Variants in CNTNAP4 observed in about 807,000 individuals in gnomAD.
CNTNAP4 encodes the protein contactin associated protein family member 4.
In CNTNAP4, 98 loss-of-function variants were observed where a neutral mutation model predicts 148.4. The ratio of observed to expected loss-of-function variants is 0.66; its 90% CI spans 0.56 to 0.78. The LOEUF (loss-of-function observed/expected upper bound fraction) is 0.78. Among genes scored for constraint, CNTNAP4 ranks in the 30% least tolerant of loss-of-function variants. CNTNAP4 has a pLI of 0.00. For synonymous variants in CNTNAP4, 730 were observed against 565.1 expected (o/e 1.29, Z -4.14); for missense variants, 1,935 against 1,565.6 (o/e 1.24, Z -3.98).
At chr16:76,471,254 C>T (rs2081363814) in intron 10 of CNTNAP4, among the ~76,000 whole-genome samples, 1 of 152,158 alleles carries the variant, frequency 6.6e-6, no homozygotes, top group Non-Finnish European at 1.5e-5. Flanking sequence ...TATCCAAGTC[C>T]TCACATCTGG....
chr16:76,339,681 G>T (rs1217401401), intron 2 of CNTNAP4, among the ~76,000 whole-genome samples: 3 of 152,154 alleles, frequency 2.0e-5, no homozygotes, highest in African/African-American at 7.2e-5. Context: ...ACCTTCTGAA[G>T]TTATCTCAGA....
At chr16:76,324,255 G>T (rs1235517009) in intron 2 of CNTNAP4, among the ~76,000 whole-genome samples, 2 of 152,130 alleles carry the variant, frequency 1.3e-5, no homozygotes, top group Non-Finnish European at 2.9e-5. Flanking sequence ...CTCAAATTTG[G>T]TCAATTAAAA....
Position 76,321,925 on chromosome 16 carries a change from G to T in CNTNAP4, c.196+5402G>T, listed in dbSNP as rs537586462. ...ACAGGATTGAAAAATCTCAAGCCTA[G>T]AGAAAGGGGAACCTGGCTGGCACAA... On this transcript the variant is annotated intron_variant, in intron 2 of 23. Coordinates refer to ENST00000611870, the MANE Select transcript of CNTNAP4 (RefSeq NM_033401.5). Among the ~76,000 whole-genome samples the T allele has an allele frequency of 8.6e-5, 13 of 151,956 alleles. No individual in the cohort carries two copies. The South Asian group carries it at 2.5e-3, about 29-fold the overall frequency.
Position 76,324,962 on chromosome 16 carries a change from C to T in CNTNAP4, c.196+8439C>T, listed in dbSNP as rs148932874. 5.3e-3 allele frequency among the ~76,000 whole-genome samples: 805 copies of T among 152,208 alleles called. 7 individuals carry two copies. Among genetic ancestry groups the T allele is most frequent in the African/African-American group, 0.018 (763 of 41,520 alleles). ...TTTTGTTGGGACACAAACATTCAGC[C>T]CATAGTAGTTAGCTACATTTCCAGA... On this transcript the variant is annotated intron_variant, in intron 2 of 23. Coordinates refer to ENST00000611870, the MANE Select transcript of CNTNAP4 (RefSeq NM_033401.5).
intron 21 of CNTNAP4, among the ~76,000 whole-genome samples, chr16:76,547,806 G>A (rs1393150031): frequency 6.6e-6 from 1 of 152,218 alleles, no homozygotes; most frequent in Non-Finnish European, 1.5e-5. Flanking sequence ...TAGGCCAGAT[G>A]TAAATAAAAT....
chr16:76,403,021 T>C (rs2078470630), intron 3 of CNTNAP4, among the ~76,000 whole-genome samples: 1 of 152,160 alleles, frequency 6.6e-6, no homozygotes, highest in Non-Finnish European at 1.5e-5. Context: ...TCTGTAGTTT[T>C]TGGGTGAAGA....
At chr16:76,314,838 A>G (rs1374987143) in intron 1 of CNTNAP4, among the ~76,000 whole-genome samples, 1 of 152,164 alleles carries the variant, frequency 6.6e-6, no homozygotes, top group Non-Finnish European at 1.5e-5. Flanking sequence ...TTAAAACTGT[A>G]TACATGTGTG....
intron 1 of CNTNAP4, among the ~76,000 whole-genome samples, chr16:76,311,678 G>A (rs8044479): frequency 0.28 from 41,839 of 152,008 alleles, 6,476 homozygotes; most frequent in Non-Finnish European, 0.35. Flanking sequence ...TGAGAGTGAT[G>A]TTCATTTCTT....
At chr16:76,410,544 C>G (rs1044201478) in intron 3 of CNTNAP4, among the ~76,000 whole-genome samples, 1 of 151,674 alleles carries the variant, frequency 6.6e-6, no homozygotes, top group African/African-American at 2.4e-5. Context: ...GCAGTTTACA[C>G]CAGTCTAAAA....
At chr16:76,555,096 A>G (rs370227430) in intron 23 of CNTNAP4, among the ~76,000 whole-genome samples, 6 of 152,130 alleles carry the variant, frequency 3.9e-5, no homozygotes, top group Admixed American at 3.9e-4. Flanking sequence ...AAGGTGAACC[A>G]CTTAACATTT....
intron 3 of CNTNAP4, among the ~76,000 whole-genome samples, chr16:76,425,044 C>T (rs1031999081): frequency 3.3e-5 from 5 of 151,994 alleles, no homozygotes; most frequent in African/African-American, 1.2e-4. Context: ...CCTTTCTTAC[C>T]AAACCTCAGT....
At chr16:76,306,946 G>A (rs1156481107) in intron 1 of CNTNAP4, among the ~76,000 whole-genome samples, 3 of 152,192 alleles carry the variant, frequency 2.0e-5, no homozygotes, top group African/African-American at 7.2e-5. Context: ...AAGTACCAGA[G>A]CAAGAATTTG....
intron 3 of CNTNAP4, among the ~76,000 whole-genome samples, chr16:76,412,047 A>C (rs1264242645): frequency 1.3e-5 from 2 of 151,484 alleles, no homozygotes. Flanking sequence ...AGAAGGAATC[A>C]TACTATATGA....
rs866429575 is a variant in CNTNAP4 at position 76,423,078 on chromosome 16, A to G, written c.391-4374A>G. On this transcript the variant is annotated intron_variant, in intron 3 of 23. Coordinates refer to ENST00000611870, the MANE Select transcript of CNTNAP4 (RefSeq NM_033401.5). ...GACTACAGCTAGAAAGTGGCATTCT[A>G]TGAAACATGAAGTAGGCCTTCACCA... is the stretch of plus-strand genomic sequence containing the variant. Among the ~76,000 whole-genome samples, 5 of 152,270 alleles carry G rather than the reference A, an allele frequency of 3.3e-5. No homozygotes were observed. In the East Asian group the frequency reaches 5.8e-4, roughly 18 times the overall value.
At chr16:76,511,969 C>A (rs1471492135) in intron 15 of CNTNAP4, among the ~76,000 whole-genome samples, 1 of 151,884 alleles carries the variant, frequency 6.6e-6, no homozygotes. Context: ...TCATTTAAAG[C>A]TCAGGAAGAA....
At chr16:76,428,847 A>T (rs1020623878) in intron 4 of CNTNAP4, among the ~76,000 whole-genome samples, 7 of 152,162 alleles carry the variant, frequency 4.6e-5, no homozygotes, top group African/African-American at 1.7e-4. Flanking sequence ...GCACTATTCC[A>T]AGCAGTTTAC....
At chr16:76,317,312 A>G (rs1961898684) in intron 2 of CNTNAP4, among the ~76,000 whole-genome samples, 1 of 151,536 alleles carries the variant, frequency 6.6e-6, no homozygotes, top group Non-Finnish European at 1.5e-5. Context: ...CCCCCAAAAA[A>G]AAAAACTCAG....
Position 76,291,320 on chromosome 16 carries a change from C to T in CNTNAP4, c.85+13573C>T, listed in dbSNP as rs140411810. Among the ~76,000 whole-genome samples, 764 of 152,184 alleles carry T rather than the reference C, an allele frequency of 5.0e-3. 5 individuals are homozygous for T. Among genetic ancestry groups the T allele is most frequent in the African/African-American group, 0.017 (716 of 41,524 alleles). ...GTTGAATCCTGGTTCAGTGCATTGC[C>T]GAGATCAATGGCATGGCATTCTCAT... is the stretch of plus-strand genomic sequence containing the variant. On this transcript the variant is annotated intron_variant, in intron 1 of 23. Coordinates refer to ENST00000611870, the MANE Select transcript of CNTNAP4 (RefSeq NM_033401.5).
At chr16:76,431,020 C>T (rs2079586020) in intron 4 of CNTNAP4, among the ~76,000 whole-genome samples, 1 of 151,958 alleles carries the variant, frequency 6.6e-6, no homozygotes, top group East Asian at 1.9e-4. Context: ...CAGGCATGTG[C>T]AATGTTAGAA....
Sources: allele counts gnomAD v4.1 joint callset (sites outside exome capture counted in the v4.1 genomes callset), GRCh38; gene constraint gnomAD v4.1.1; transcripts MANE v1.5; gene names NCBI Gene and HGNC (gene_info 2026-07-23, HGNC 2026-07-21).